FAM135B: variants seen among roughly 807,000 people sequenced by gnomAD.
FAM135B encodes the protein protein FAM135B.
FAM135B carries 43 observed loss-of-function variants against 127.7 expected under a neutral mutation model. That is an observed-to-expected ratio of 0.34 (90% CI 0.26 to 0.43). The LOEUF (loss-of-function observed/expected upper bound fraction) is 0.43. FAM135B is among the 20% of genes least tolerant of loss of function. FAM135B has a pLI of 1.00. For synonymous variants in FAM135B, 670 were observed against 665.1 expected, an observed-to-expected ratio of 1.01 and a Z score of -0.11; for missense variants, 1,558 against 1,725.6, an observed-to-expected ratio of 0.90 and a Z score of 1.72.
intron 1 of FAM135B, among the ~76,000 whole-genome samples, chr8:138,377,338 G>C (rs1034601209): frequency 6.6e-6 from 1 of 152,226 alleles, no homozygotes; most frequent in South Asian, 2.1e-4. Flanking sequence ...TGTGAGAATA[G>C]AGAAGGGATC....
chr8:138,131,490 G>A lies in FAM135B; in HGVS notation c.*1103C>T, dbSNP rs190984049. 17 of 152,604 alleles carry A rather than the reference G, an allele frequency of 1.1e-4. No homozygotes were observed. The highest frequency in any genetic ancestry group is 2.9e-5 in the Non-Finnish European group (2 of 68,014). 9.5% of individuals were successfully genotyped at this position (152,604 alleles called of 1,614,324 possible). A position where few individuals can be genotyped will look rare whatever the true frequency, so the allele number is the denominator to read the frequency against. On this transcript the variant is annotated 3_prime_UTR_variant, in exon 20 of 20. Coordinates refer to ENST00000395297, the MANE Select transcript of FAM135B (RefSeq NM_015912.4). ...ATCTGATCTCACTTTTGTCCCTGTC[G>A]TCTATTGGTTTTTATCAACGCAGTG...
chr8:138,291,423 A>G (rs1481845780), intron 3 of FAM135B, among the ~76,000 whole-genome samples: 1 of 152,234 alleles, frequency 6.6e-6, no homozygotes, highest in Non-Finnish European at 1.5e-5. Flanking sequence ...GATAGGAGGT[A>G]ACACTTCCAA....
intron 1 of FAM135B, among the ~76,000 whole-genome samples, chr8:138,397,043 T>A (rs1302839819): frequency 6.6e-6 from 1 of 152,124 alleles, no homozygotes; most frequent in Non-Finnish European, 1.5e-5. Context: ...CAGGTGTGCA[T>A]CCCTCAGGCT....
chr8:138,286,309 C>T (rs1824681375), intron 3 of FAM135B, among the ~76,000 whole-genome samples: 1 of 152,158 alleles, frequency 6.6e-6, no homozygotes, highest in African/African-American at 2.4e-5. Flanking sequence ...GGCTCTTGGA[C>T]CCCTGGGTCA....
At chr8:138,137,890 G>A (rs1472137361) in intron 18 of FAM135B, among the ~76,000 whole-genome samples, 1 of 152,078 alleles carries the variant, frequency 6.6e-6, no homozygotes, top group Non-Finnish European at 1.5e-5. Context: ...CAGACTACCC[G>A]GACACTCCAT....
At chr8:138,239,246 G>A (rs1224649335) in intron 7 of FAM135B, among the ~76,000 whole-genome samples, 1 of 152,144 alleles carries the variant, frequency 6.6e-6, no homozygotes, top group Non-Finnish European at 1.5e-5. Flanking sequence ...TTTAATGAGT[G>A]CAATTCTAAC....
At position 138,242,965 on chromosome 8, in the gene FAM135B, A is replaced by G. The variant is rs1234254588; in HGVS notation, c.646T>C (p.Tyr216His). 1.9e-6 allele frequency: 3 copies of G among 1,613,896 alleles called. No individual in the cohort carries two copies. Among genetic ancestry groups the G allele is most frequent in the Non-Finnish European group, 2.5e-6 (3 of 1,179,868 alleles). ...SLENLVFGAG[Y>H]CKPTSSEGSF... ...ACCTCTGAGGAAGTCGGCTTGCAGTACCCAGCTCCAAAGACCAAGTTTTCC... is the reference window on the plus strand; with the variant it reads ...ACCTCTGAGGAAGTCGGCTTGCAGTGCCCAGCTCCAAAGACCAAGTTTTCC... Residue 216 changes from tyrosine to histidine, a missense_variant, in exon 7 of 20, where the codon TAC becomes CAC. By Grantham distance (83) the Tyr-to-His change is moderately conservative. Transcript: ENST00000395297. This position sits in a 1 kb window ranked among gnomAD's most constrained non-coding sequence, Gnocchi z 9.6.
intron 1 of FAM135B, among the ~76,000 whole-genome samples, chr8:138,369,090 C>G (rs1830952690): frequency 6.6e-6 from 1 of 152,160 alleles, no homozygotes; most frequent in South Asian, 2.1e-4. Context: ...ATTCTCCAAG[C>G]CTGTTTACTA....
intron 17 of FAM135B, among the ~76,000 whole-genome samples, chr8:138,139,324 C>T (rs1305792785): frequency 1.3e-5 from 2 of 152,142 alleles, no homozygotes; most frequent in African/African-American, 2.4e-5. Flanking sequence ...GGACAACAGC[C>T]TTCGGAGTAA....
intron 2 of FAM135B, among the ~76,000 whole-genome samples, chr8:138,328,020 A>C (rs1010439768): frequency 2.0e-5 from 3 of 152,182 alleles, no homozygotes; most frequent in Admixed American, 2.0e-4. Context: ...AGTAATTTTC[A>C]TCAGGGCCTT....
intron 9 of FAM135B, among the ~76,000 whole-genome samples, chr8:138,185,005 G>T (rs550170424): frequency 8.5e-5 from 13 of 152,204 alleles, no homozygotes; most frequent in African/African-American, 3.1e-4. Context: ...TGAGCTTGGT[G>T]TTCTGGGCTG....
chr8:138,362,002 T>C (rs558816033), intron 2 of FAM135B, among the ~76,000 whole-genome samples: 129 of 152,268 alleles, frequency 8.5e-4, no homozygotes, highest in Non-Finnish European at 1.6e-3. Context: ...TGTGGGTACA[T>C]AGTAGGTACA....
chr8:138,201,228 G>C (rs552232194), intron 7 of FAM135B, among the ~76,000 whole-genome samples: 1 of 152,120 alleles, frequency 6.6e-6, no homozygotes. Context: ...CACCACCTTG[G>C]TCTCATTCTG....
chr8:138,148,671 T>C lies in FAM135B; in HGVS notation c.3297A>G (p.Lys1099=), dbSNP rs2130694453. ...TCTTCAGTTCTTTTTTAAATTTTTC[T>C]TTGGCCTGATAAAAACTGGAGAATA... ...SERMFSFYQA[K]EKFKKELKIE... Residue 1099 remains lysine (K), a synonymous_variant, in exon 14 of 20, where the codon AAA becomes AAG. Transcript: ENST00000395297. 1 of 1,605,914 alleles carries C rather than the reference T, an allele frequency of 6.2e-7. No individual in the cohort carries two copies. Among genetic ancestry groups the C allele is most frequent in the Non-Finnish European group, 8.5e-7 (1 of 1,176,024 alleles).
chr8:138,370,360 C>T (rs1831035668), intron 1 of FAM135B, among the ~76,000 whole-genome samples: 1 of 152,008 alleles, frequency 6.6e-6, no homozygotes, highest in Non-Finnish European at 1.5e-5. Flanking sequence ...ATTGCCTTTT[C>T]CTTTAAAATA....
At chr8:138,407,528 C>T (rs917221461) in intron 1 of FAM135B, among the ~76,000 whole-genome samples, 3 of 152,164 alleles carry the variant, frequency 2.0e-5, no homozygotes, top group Non-Finnish European at 4.4e-5. Flanking sequence ...CTACAGTAAC[C>T]AAAACAGCAT....
At chr8:138,381,650 T>C (rs375141623) in intron 1 of FAM135B, among the ~76,000 whole-genome samples, 1 of 152,176 alleles carries the variant, frequency 6.6e-6, no homozygotes, top group Admixed American at 6.5e-5. Flanking sequence ...AATGCACATA[T>C]GAATGACTGA....
chr8:138,393,204 G>A (rs551368384), intron 1 of FAM135B, among the ~76,000 whole-genome samples: 4 of 152,260 alleles, frequency 2.6e-5, no homozygotes, highest in South Asian at 2.1e-4. Context: ...CCCACAACAC[G>A]TGGGAATTAT....
At chr8:138,193,551 G>A (rs985053223) in intron 9 of FAM135B, among the ~76,000 whole-genome samples, 1 of 152,192 alleles carries the variant, frequency 6.6e-6, no homozygotes, top group East Asian at 1.9e-4. Context: ...TGTGTTCCTT[G>A]TTGTTGTTTC....
Sources: allele counts gnomAD v4.1 joint callset (sites outside exome capture counted in the v4.1 genomes callset), GRCh38; gene constraint gnomAD v4.1.1; non-coding constraint Gnocchi (gnomAD v3.1); transcripts MANE v1.5; gene names NCBI Gene and HGNC (gene_info 2026-07-23, HGNC 2026-07-21).